RTL1: variants seen among roughly 807,000 people sequenced by gnomAD.
RTL1 encodes the protein retrotransposon Gag like 1.
For missense variants in RTL1, 1,681 were observed against 1,767.5 expected, an observed-to-expected ratio of 0.95 and a Z score of 0.88; for synonymous variants, 727 against 748.4, an observed-to-expected ratio of 0.97 and a Z score of 0.47.
At chr14:100,892,419 G>T (rs906915624) in intron 3 of RTL1, among the ~76,000 whole-genome samples, 6 of 152,218 alleles carry the variant, frequency 3.9e-5, no homozygotes, top group African/African-American at 1.4e-4. Context: ...GAAGACGGGT[G>T]TGTGAAGCCC....
chr14:100,881,116 C>G lies in RTL1; in HGVS notation c.3673G>C (p.Val1225Leu). ...CGCAAGACGACATCCTCATCACCAA[C>G]GACGTGCAGCTCCAGGTAGCGGTTC... ...RQNRYLELHV[V>L]GDEDVVLREA... The change falls in exon 4 of 4, where the codon GTT becomes CTT. Residue 1225 changes from valine (V) to leucine (L), a missense_variant. By Grantham distance (32) the Val-to-Leu change is conservative (BLOSUM62 1). Coordinates refer to ENST00000649591, the MANE Select transcript of RTL1 (RefSeq NM_001134888.3). This position sits in a 1 kb window ranked among gnomAD's most constrained non-coding sequence, Gnocchi z 6.6. 6.3e-7 allele frequency: 1 copy of G among 1,576,732 alleles called. No homozygotes were observed. The highest frequency in any genetic ancestry group is 8.6e-7 in the Non-Finnish European group (1 of 1,160,352).
In RTL1 at chr14:100,881,178, ACT is replaced by A; in HGVS notation, c.3609_3610del (p.Arg1203SerfsTer24). The A allele has an allele frequency of 1.9e-6, 3 of 1,541,200 alleles. No homozygotes were observed. The highest frequency in any genetic ancestry group is 1.4e-5 in the African/African-American group (1 of 72,996). ...AGGGAGGTGGCCCTCCTGGGGGGTGACTCTGACACCGAAGAACTCACACAGCG... is the reference window on the plus strand; with the variant it reads ...AGGGAGGTGGCCCTCCTGGGGGGTGACTGACACCGAAGAACTCACACAGCG... On this transcript the variant is annotated frameshift_variant, in exon 4 of 4. Coordinates refer to ENST00000649591, the MANE Select transcript of RTL1 (RefSeq NM_001134888.3). LOFTEE classifies it low-confidence loss of function (END_TRUNC). The surrounding 1 kb of genome is among the most constrained non-coding windows in gnomAD (Gnocchi z 6.6).
intron 3 of RTL1, among the ~76,000 whole-genome samples, chr14:100,890,068 T>G (rs1232235647): frequency 1.2e-5 from 1 of 81,128 alleles, no homozygotes; most frequent in Non-Finnish European, 2.9e-5. Flanking sequence ...AATTCCCGCC[T>G]TATTTGAAAA....
At chr14:100,898,360 T>G (rs752444223) in intron 2 of RTL1, among the ~76,000 whole-genome samples, 1 of 152,238 alleles carries the variant, frequency 6.6e-6, no homozygotes, top group Non-Finnish European at 1.5e-5. Flanking sequence ...GTGAGCATTC[T>G]TGCAGCTAAA....
intron 2 of RTL1, among the ~76,000 whole-genome samples, 26 bp downstream of exon 2, chr14:100,903,265 T>C (rs1167732448): frequency 1.3e-5 from 2 of 151,906 alleles, no homozygotes; most frequent in Non-Finnish European, 2.9e-5. Context: ...ATGCACTCAT[T>C]CTCCAAGCCA....
In RTL1 at chr14:100,884,681, C is replaced by T. The variant is rs535281505; in HGVS notation, c.108G>A (p.Thr36=). Residue 36 remains threonine (T), a synonymous_variant, in exon 4 of 4, where the codon ACG becomes ACA. Coordinates refer to ENST00000649591, the MANE Select transcript of RTL1 (RefSeq NM_001134888.3). The part of the protein sequence containing the change: ...SEGSSNTTEA[T]SGSGVRGEAG... ...CCTCTCCCCGCACTCCACTGCCCGACGTCGCCTCGGTGGTGTTGGATGAGC... is the reference window on the plus strand; with the variant it reads ...CCTCTCCCCGCACTCCACTGCCCGATGTCGCCTCGGTGGTGTTGGATGAGC... 72 of 1,613,632 alleles carry T rather than the reference C, an allele frequency of 4.5e-5. No homozygotes were observed. Among genetic ancestry groups the T allele is most frequent in the Non-Finnish European group, 5.3e-5 (63 of 1,180,008 alleles).
At chr14:100,900,349 C>T (rs772086203) in intron 2 of RTL1, among the ~76,000 whole-genome samples, 8 of 152,236 alleles carry the variant, frequency 5.3e-5, no homozygotes, top group Non-Finnish European at 8.8e-5. Context: ...ATGACTTGCA[C>T]GTTGCCCTTT....
rs983165277 is a variant in RTL1 at position 100,903,314 on chromosome 14, G to A, written c.-172C>T. On this transcript the variant is annotated 5_prime_UTR_variant, in exon 2 of 4. In the 5' UTR this introduces an upstream ATG that the reference lacks. Coordinates refer to ENST00000649591, the MANE Select transcript of RTL1 (RefSeq NM_001134888.3). ...ACCTTCCCCGGGCCCAGTCCCAAGC[G>A]TGAGGCTGGGGATGAAGTGATGCCG... Among the ~76,000 whole-genome samples, 2 of 152,120 alleles carry A rather than the reference G, an allele frequency of 1.3e-5. No homozygotes were observed. The highest frequency in any genetic ancestry group is 4.8e-5 in the African/African-American group (2 of 41,424).
At chr14:100,901,094 C>T (rs1387909193) in intron 2 of RTL1, among the ~76,000 whole-genome samples, 4 of 152,200 alleles carry the variant, frequency 2.6e-5, no homozygotes, top group African/African-American at 7.2e-5. Context: ...GCAGCTGTGG[C>T]GACCCCAGGG....
Position 100,884,204 on chromosome 14 carries a change from G to T in RTL1, c.585C>A (p.Ile195=). The stretch of plus-strand genomic sequence containing the variant: ...TTGGGGCGGGCAGTTGGCCTGCATT[G>T]ATCCCTTTGATCAAGATCTCTTCTG... ...RVAEEILIKG[I]NAGQLPAPKH... The change falls in exon 4 of 4, where the codon ATC becomes ATA. Residue 195 remains isoleucine (I), a synonymous_variant. Transcript: ENST00000649591. 6.4e-7 allele frequency: 1 copy of T among 1,551,738 alleles called. No individual in the cohort carries two copies.
Position 100,880,703 on chromosome 14 carries a change from G to T in RTL1, c.*9C>A. 6.5e-7 allele frequency: 1 copy of T among 1,547,646 alleles called. No individual in the cohort carries two copies. Among genetic ancestry groups the T allele is most frequent in the South Asian group, 1.2e-5 (1 of 83,984 alleles). Reference sequence around the variant, plus strand: ...GAGGGGACTCTTTGCTGGAGACAGGGAGGCGTCTTCAGTCGAGGTTAGCAT... The same window carrying T: ...GAGGGGACTCTTTGCTGGAGACAGGTAGGCGTCTTCAGTCGAGGTTAGCAT... On this transcript the variant is annotated 3_prime_UTR_variant, in exon 4 of 4. Transcript: ENST00000649591.
intron 3 of RTL1, among the ~76,000 whole-genome samples, chr14:100,887,162 A>T (rs1346315703): frequency 6.6e-6 from 1 of 152,154 alleles, no homozygotes; most frequent in Non-Finnish European, 1.5e-5. Context: ...TTGCCAACTG[A>T]TTAATACGAA....
chr14:100,888,291 C>T (rs999876675), intron 3 of RTL1, among the ~76,000 whole-genome samples: 8 of 152,184 alleles, frequency 5.3e-5, no homozygotes, highest in African/African-American at 1.9e-4. Context: ...CCAAAATGCA[C>T]TTGTTTGAGC....
At chr14:100,890,755 T>C (rs2038764709) in intron 3 of RTL1, among the ~76,000 whole-genome samples, 1 of 151,970 alleles carries the variant, frequency 6.6e-6, no homozygotes, top group Non-Finnish European at 1.5e-5. Context: ...TTGAGGGACA[T>C]AGCTACTGGG....
chr14:100,893,517 T>A lies in RTL1; in HGVS notation c.-148-12A>T, dbSNP rs1036083153. ...ATCCTCGCTGCTTGCTAAAAAGTTA[T>A]TGAATACATTTGTTTCTTTAATTGT... On this transcript the variant is annotated splice_polypyrimidine_tract_variant and intron_variant, in intron 2 of 3. Transcript: ENST00000649591. This position sits in a 1 kb window ranked among gnomAD's most constrained non-coding sequence, Gnocchi z 4.2. Among the ~76,000 whole-genome samples the A allele has an allele frequency of 6.6e-6, 1 of 152,212 alleles. No homozygotes were observed. The highest frequency in any genetic ancestry group is 2.4e-5 in the African/African-American group (1 of 41,450).
chr14:100,893,229 G>C lies in RTL1; in HGVS notation c.-87+215C>G, dbSNP rs1044089940. Among the ~76,000 whole-genome samples the C allele has an allele frequency of 1.3e-5, 2 of 152,190 alleles. No individual in the cohort carries two copies. The highest frequency in any genetic ancestry group is 1.3e-4 in the Admixed American group (2 of 15,286). ...TTATTTGGTGTTCGAGGAGGGACAG[G>C]ACAGCTGGCCCAGGACCTGCTAATT... is the stretch of plus-strand genomic sequence containing the variant. On this transcript the variant is annotated intron_variant, in intron 3 of 3. Coordinates refer to ENST00000649591, the MANE Select transcript of RTL1 (RefSeq NM_001134888.3). The surrounding 1 kb of genome is among the most constrained non-coding windows in gnomAD (Gnocchi z 4.2).
intron 3 of RTL1, 81 bp from the exon 4 acceptor site, chr14:100,884,955 AAATCAGATG>A: frequency 1.7e-6 from 1 of 595,030 alleles, no homozygotes. Flanking sequence ...TCTCAAGGAC[AAATCAGATG>A]CCCAACTAAT....
chr14:100,896,002 G>T (rs2038850149), intron 2 of RTL1, among the ~76,000 whole-genome samples: 1 of 151,614 alleles, frequency 6.6e-6, no homozygotes, highest in Admixed American at 6.6e-5. Flanking sequence ...GAACCTGGAA[G>T]GCAGAAGTTG....
chr14:100,885,956 G>A (rs905416541), intron 3 of RTL1, among the ~76,000 whole-genome samples: 1 of 152,100 alleles, frequency 6.6e-6, no homozygotes, highest in Non-Finnish European at 1.5e-5. Context: ...GTGGGGGTTG[G>A]GGGGAACATG....
Sources: gnomAD v4.1 joint callset for allele counts (sites outside exome capture counted in the v4.1 genomes callset) on GRCh38, gnomAD v4.1.1 for gene constraint, Gnocchi (gnomAD v3.1) non-coding constraint, MANE v1.5 for transcripts, NCBI Gene and HGNC (gene_info 2026-07-23, HGNC 2026-07-21) for gene names.